Variants in NCOA1 observed in about 807,000 individuals in gnomAD.
The protein encoded by NCOA1 is Hin-2 protein.
A neutral mutation model predicts 150.9 loss-of-function variants in NCOA1; 35 were observed. The observed-to-expected ratio is 0.23, with a 90% CI of 0.18 to 0.31. NCOA1 has a LOEUF of 0.31. Among genes scored for constraint, NCOA1 ranks in the 10% least tolerant of loss-of-function variants. The pLI is 1.00. For missense variants in NCOA1, 1,491 were observed against 1,749.3 expected (o/e 0.85, Z 2.63); for synonymous variants, 590 against 630.0 (o/e 0.94, Z 0.95).
chr2:24,766,790 T>TTACAGAC (rs2148708368), intron 22 of NCOA1, among the ~76,000 whole-genome samples: 1 of 152,064 alleles, frequency 6.6e-6, no homozygotes, highest in African/African-American at 2.4e-5. Context: ...GAATGAGACG[T>TTACAGAC]TACAGACCAC....
Position 24,691,443 on chromosome 2 carries a change from C to T in NCOA1, c.533-38C>T, listed in dbSNP as rs532083601. Reference sequence around the variant, plus strand: ...TATCTTCAGAGTTTGTGCTTTTTCACCATATTCGCAAGCACATAATCAATT... The same window carrying T: ...TATCTTCAGAGTTTGTGCTTTTTCATCATATTCGCAAGCACATAATCAATT... On this transcript the variant is annotated intron_variant, in intron 8 of 22. Coordinates refer to ENST00000348332, the MANE Select transcript of NCOA1 (RefSeq NM_003743.5). The T allele has an allele frequency of 5.7e-6, 9 of 1,587,968 alleles. No individual in the cohort carries two copies. In the African/African-American group the frequency reaches 1.1e-4, roughly 19 times the overall value.
In NCOA1 at chr2:24,770,283, T is replaced by C. The variant is rs1336226213; in HGVS notation, c.*1892T>C. On this transcript the variant is annotated 3_prime_UTR_variant, in exon 23 of 23. Coordinates refer to ENST00000348332, the MANE Select transcript of NCOA1 (RefSeq NM_003743.5). ...GTTTGTGATATTTAGACGCGCAGAC[T>C]TCAGGAAGTTCACCTTTAACTTCAG... is the stretch of plus-strand genomic sequence containing the variant. 1 of 230,404 alleles carries C rather than the reference T, an allele frequency of 4.3e-6. No homozygotes were observed. Among genetic ancestry groups the C allele is most frequent in the Non-Finnish European group, 8.6e-6 (1 of 116,118 alleles). The allele number at this position is 230,404 out of a possible 1,614,324, so 14.3% of individuals were successfully genotyped here. A position where few individuals can be genotyped will look rare whatever the true frequency, so the allele number is the denominator to read the frequency against.
In NCOA1 at chr2:24,615,520, A is replaced by G. The variant is rs566077418; in HGVS notation, c.-174-28446A>G. Reference sequence around the variant, plus strand: ...GGCTTCTCTGCAGGAGATTGTAGTAAGCCTTAGTCTAGGACGTTGTTGATG... The same window carrying G: ...GGCTTCTCTGCAGGAGATTGTAGTAGGCCTTAGTCTAGGACGTTGTTGATG... On this transcript the variant is annotated intron_variant, in intron 3 of 22. Transcript: ENST00000348332. 2.0e-3 allele frequency among the ~76,000 whole-genome samples: 310 copies of G among 152,282 alleles called. 2 individuals carry two copies. Among genetic ancestry groups the G allele is most frequent in the African/African-American group, 7.0e-3 (292 of 41,564 alleles).
chr2:24,528,482 G>C (rs1664742556), intron 1 of NCOA1, among the ~76,000 whole-genome samples: 1 of 151,776 alleles, frequency 6.6e-6, no homozygotes, highest in African/African-American at 2.4e-5. Context: ...AAGTAGCTGG[G>C]ACCACAGGTG....
intron 1 of NCOA1, among the ~76,000 whole-genome samples, chr2:24,493,521 C>T (rs1043380715): frequency 1.3e-5 from 2 of 151,868 alleles, no homozygotes; most frequent in African/African-American, 4.8e-5. Context: ...TCTCAGAAAA[C>T]CTGTAGGATT....
At chr2:24,760,672 T>C (rs1572694359) in intron 21 of NCOA1, among the ~76,000 whole-genome samples, 1 of 152,196 alleles carries the variant, frequency 6.6e-6, no homozygotes, top group African/African-American at 2.4e-5. Flanking sequence ...TTGATGTTTT[T>C]CCCCTCTGGC....
intron 1 of NCOA1, among the ~76,000 whole-genome samples, chr2:24,562,677 A>G (rs2148256613): frequency 6.6e-6 from 1 of 152,334 alleles, no homozygotes; most frequent in South Asian, 2.1e-4. Flanking sequence ...AGCAGGATCA[A>G]TTCACATGGT....
chr2:24,506,244 A>C (rs934230574), intron 1 of NCOA1, among the ~76,000 whole-genome samples: 1 of 151,944 alleles, frequency 6.6e-6, no homozygotes, highest in African/African-American at 2.4e-5. Flanking sequence ...GTACCAGGAA[A>C]AGCTGTGTTT....
chr2:24,611,169 G>A (rs77506012), intron 3 of NCOA1, among the ~76,000 whole-genome samples: 1 of 152,108 alleles, frequency 6.6e-6, no homozygotes, highest in Non-Finnish European at 1.5e-5. Flanking sequence ...TGAGTGCCCA[G>A]TGTTTAGTTC....
chr2:24,653,450 A>T (rs544689579), intron 4 of NCOA1, among the ~76,000 whole-genome samples: 1 of 152,340 alleles, frequency 6.6e-6, no homozygotes, highest in Admixed American at 6.5e-5. Flanking sequence ...CAAAGATTTT[A>T]AAAATATTTC....
At chr2:24,545,285 CA>C (rs1263625212) in intron 1 of NCOA1, among the ~76,000 whole-genome samples, 1 of 152,014 alleles carries the variant, frequency 6.6e-6, no homozygotes, top group Non-Finnish European at 1.5e-5. Flanking sequence ...ATGCAAAATG[CA>C]AAAGGACAGG....
intron 11 of NCOA1, among the ~76,000 whole-genome samples, chr2:24,702,160 C>T (rs1473293512): frequency 6.6e-6 from 1 of 152,108 alleles, no homozygotes; most frequent in Non-Finnish European, 1.5e-5. Context: ...GTCCACGGTC[C>T]ATGTAACAAC....
chr2:24,597,772 T>G (rs558208221), intron 3 of NCOA1, among the ~76,000 whole-genome samples: 192 of 152,274 alleles, frequency 1.3e-3, no homozygotes, highest in Middle Eastern at 3.4e-3. Flanking sequence ...GATTTAAATG[T>G]GAATCTCTTT....
intron 2 of NCOA1, among the ~76,000 whole-genome samples, chr2:24,583,951 GATAAGAATAAGTTCTGGT>G (rs751194040): frequency 1.3e-5 from 2 of 152,124 alleles, no homozygotes; most frequent in Non-Finnish European, 1.5e-5. Context: ...TTATAGGTTA[GATAAGAATAAGTTCTGGT>G]GTTCTGTAGC....
In NCOA1 at chr2:24,750,958, CATT is replaced by C. The variant is rs745990726; in HGVS notation, c.3707-1020_3707-1018del. The stretch of plus-strand genomic sequence containing the variant: ...GGAAGAGTGGCTAACAAAACTTTCT[CATT>C]ATTTTTTATTTTCATACATGGCTTT... On this transcript the variant is annotated intron_variant, in intron 19 of 22. Coordinates refer to ENST00000348332, the MANE Select transcript of NCOA1 (RefSeq NM_003743.5). 9.2e-4 allele frequency among the ~76,000 whole-genome samples: 139 copies of C among 151,534 alleles called. 1 individual carries two copies. The highest frequency in any genetic ancestry group is 1.9e-3 in the Non-Finnish European group (129 of 67,898).
At position 24,726,626 on chromosome 2, in the gene NCOA1, A is replaced by G. The variant is rs764074178; in HGVS notation, c.2637A>G (p.Gln879=). 1.4e-5 allele frequency: 22 copies of G among 1,610,702 alleles called. No individual in the cohort carries two copies. The highest frequency in any genetic ancestry group is 9.0e-5 in the East Asian group (4 of 44,664). ...PELELEAIDN[Q]FGQPGTGDQI... is the part of the protein sequence containing the mutation. ...TGGAATTGGAAGCAATTGATAACCA[A>G]TTTGGACAACCAGGAACAGGCGATC... Residue 879 remains glutamine (Q), a synonymous_variant, in exon 15 of 23, where the codon CAA becomes CAG. Coordinates refer to ENST00000348332, the MANE Select transcript of NCOA1 (RefSeq NM_003743.5).
chr2:24,552,045 T>G (rs917409367), intron 1 of NCOA1, among the ~76,000 whole-genome samples: 65 of 152,062 alleles, frequency 4.3e-4, no homozygotes, highest in African/African-American at 1.6e-3. Flanking sequence ...TCTTAATTGC[T>G]GTAGCTTTAT....
intron 20 of NCOA1, among the ~76,000 whole-genome samples, chr2:24,756,792 G>A (rs948588521): frequency 6.6e-6 from 1 of 152,132 alleles, no homozygotes; most frequent in African/African-American, 2.4e-5. Flanking sequence ...GTGTCAAGTT[G>A]AATTCCCATG....
At chr2:24,762,084 G>A (rs949104380) in intron 21 of NCOA1, among the ~76,000 whole-genome samples, 1 of 152,204 alleles carries the variant, frequency 6.6e-6, no homozygotes, top group Admixed American at 6.5e-5. Context: ...CTTAACTCAG[G>A]GAGCCTGCCA....
Sources: allele counts gnomAD v4.1 joint callset (sites outside exome capture counted in the v4.1 genomes callset), GRCh38; gene constraint gnomAD v4.1.1; transcripts MANE v1.5; gene names NCBI Gene and HGNC (gene_info 2026-07-23, HGNC 2026-07-21).